INSL6: variants seen among roughly 807,000 people sequenced by gnomAD.
INSL6 encodes insulin-like peptide INSL6.
In INSL6, 16 loss-of-function variants were observed where a neutral mutation model predicts 9.4. That is an observed-to-expected ratio of 1.70 (90% CI 1.15 to 2.59). The LOEUF (loss-of-function observed/expected upper bound fraction) is 2.59. INSL6 is among the 30% of genes most tolerant of loss of function. The pLI is 0.00. For synonymous variants in INSL6, 154 were observed against 96.9 expected (o/e 1.59, Z -3.46); for missense variants, 391 against 257.3 (o/e 1.52, Z -3.56).
At chr9:5,172,045 AC>A (rs1173130149) in intron 1 of INSL6, among the ~76,000 whole-genome samples, 3 of 152,202 alleles carry the variant, frequency 2.0e-5, no homozygotes, top group Admixed American at 2.0e-4. Flanking sequence ...AGCAAAAAGA[AC>A]AAAGCTGAAG....
At chr9:5,039,846 TATCTC>T in the INSL6 span, among the ~76,000 whole-genome samples, 1 of 152,308 alleles carries the variant, frequency 6.6e-6, no homozygotes, top group African/African-American at 2.4e-5. Context: ...AATGGAAAGA[TATCTC>T]ATAGAGGACT....
At chr9:5,154,333 T>G (rs998391237) in intron 2 of INSL6, among the ~76,000 whole-genome samples, 2 of 152,202 alleles carry the variant, frequency 1.3e-5, no homozygotes, top group African/African-American at 4.8e-5. Flanking sequence ...CAAGATGGAT[T>G]AAAGACTTAA....
downstream of INSL6, among the ~76,000 whole-genome samples, chr9:5,121,201 TTGAG>T (rs1213053873): frequency 6.6e-6 from 1 of 152,100 alleles, no homozygotes; most frequent in Non-Finnish European, 1.5e-5. Flanking sequence ...AATTTTATGA[TTGAG>T]TAAGCATTAG....
the INSL6 span, chr9:5,109,143 C>T: frequency 2.0e-4 from 30 of 152,172 alleles, no homozygotes; most frequent in Non-Finnish European, 4.4e-4. Context: ...CTACTCCCTA[C>T]ATGTACCAAT....
chr9:5,063,389 G>A, the INSL6 span, among the ~76,000 whole-genome samples: 1 of 152,144 alleles, frequency 6.6e-6, no homozygotes, highest in Admixed American at 6.5e-5. Context: ...TTCGATCACA[G>A]CATCTTACTT....
intron 1 of INSL6, among the ~76,000 whole-genome samples, chr9:5,168,808 T>A (rs1825115483): frequency 7.7e-6 from 1 of 130,004 alleles, no homozygotes; most frequent in Non-Finnish European, 1.6e-5. Context: ...AATGAAGGAA[T>A]GTTAAGTGCA....
chr9:5,001,456 G>C, the INSL6 span, among the ~76,000 whole-genome samples: 82 of 152,162 alleles, frequency 5.4e-4, no homozygotes, highest in Non-Finnish European at 6.9e-4. Flanking sequence ...TTATGGTTTT[G>C]CTCCATTATT....
intron 3 of INSL6, chr9:5,126,832 A>G (rs1341764469): frequency 7.9e-7 from 1 of 1,268,494 alleles, no homozygotes; most frequent in Non-Finnish European, 1.1e-6. Context: ...AGATTTACAG[A>G]ACAAAGTTTT....
At chr9:5,010,466 G>A in the INSL6 span, among the ~76,000 whole-genome samples, 35 of 151,926 alleles carry the variant, frequency 2.3e-4, no homozygotes, top group African/African-American at 1.2e-4. Context: ...GATTACAGGC[G>A]TGTACCACTA....
chr9:5,044,377 G>C, the INSL6 span: 1 of 1,427,018 alleles, frequency 7.0e-7, no homozygotes, highest in Non-Finnish European at 9.9e-7. Flanking sequence ...TTTGGAAGCT[G>C]ACCAAATGTT....
At chr9:5,070,567 CTAAT>C in the INSL6 span, among the ~76,000 whole-genome samples, 1 of 151,824 alleles carries the variant, frequency 6.6e-6, no homozygotes, top group African/African-American at 2.4e-5. Flanking sequence ...TTTTAAATAA[CTAAT>C]TATTTTTTAA....
the INSL6 span, among the ~76,000 whole-genome samples, chr9:5,026,560 G>A: frequency 1.3e-5 from 2 of 152,110 alleles, no homozygotes; most frequent in South Asian, 2.1e-4. Context: ...TGTTCTGTGA[G>A]CCTTATGTTT....
chr9:5,159,544 AAAAAGAG>A (rs1486146436), downstream of INSL6, among the ~76,000 whole-genome samples: 1 of 152,230 alleles, frequency 6.6e-6, no homozygotes, highest in African/African-American at 2.4e-5. Flanking sequence ...CAAAAACTAT[AAAAAGAG>A]AGAAGATCAT....
the INSL6 span, chr9:5,054,960 T>C: frequency 9.0e-7 from 1 of 1,111,152 alleles, no homozygotes; most frequent in Non-Finnish European, 1.3e-6. The surrounding 1 kb of genome is among the most constrained non-coding windows in gnomAD (Gnocchi z 4.9). Flanking sequence ...ATTTTAATCA[T>C]TTGCAACATG....
chr9:5,037,666 A>C, the INSL6 span, among the ~76,000 whole-genome samples: 1 of 152,142 alleles, frequency 6.6e-6, no homozygotes, highest in East Asian at 1.9e-4. Context: ...ATGAGAACAC[A>C]TGGACACAGG....
the INSL6 span, chr9:5,070,161 A>G: frequency 1.5e-6 from 1 of 666,650 alleles, no homozygotes; most frequent in Middle Eastern, 3.9e-4. Context: ...ATACAAATTT[A>G]GTTGTGATTT....
At chr9:5,070,018 T>C in the INSL6 span, 2 of 1,607,590 alleles carry the variant, frequency 1.2e-6, no homozygotes, top group Non-Finnish European at 1.7e-6. Flanking sequence ...AACCAAATGG[T>C]GTTTCACAAA....
chr9:5,069,952 C>A, the INSL6 span: 1 of 1,602,216 alleles, frequency 6.2e-7, no homozygotes, highest in Non-Finnish European at 8.5e-7. Context: ...GTCTTCAGAA[C>A]GAATGGTGTT....
the INSL6 span, among the ~76,000 whole-genome samples, chr9:5,039,227 C>T: frequency 1.3e-5 from 2 of 151,998 alleles, no homozygotes; most frequent in African/African-American, 4.8e-5. Flanking sequence ...GTAGTCATCC[C>T]GCTGTATCCA....
Sources: gnomAD v4.1 joint callset for allele counts (sites outside exome capture counted in the v4.1 genomes callset) on GRCh38, gnomAD v4.1.1 for gene constraint, Gnocchi (gnomAD v3.1) non-coding constraint, MANE v1.5 for transcripts, NCBI Gene and HGNC (gene_info 2026-07-23, HGNC 2026-07-21) for gene names.